The following FYN variants were observed in gnomAD, a reference collection of about 807,000 sequenced individuals.
FYN encodes the protein FYN proto-oncogene, Src family tyrosine kinase.
FYN carries 10 observed loss-of-function variants against 70.2 expected under a neutral mutation model. That is an observed-to-expected ratio of 0.14 (90% confidence interval 0.09 to 0.24). The LOEUF (loss-of-function observed/expected upper bound fraction) is 0.24, where lower values mean the gene tolerates loss of function less well. Among genes scored for constraint, FYN ranks in the 10% least tolerant of loss-of-function variants. FYN has a pLI of 1.00. For missense variants in FYN, 319 were observed against 673.1 expected (o/e 0.47, Z 5.82); for synonymous variants, 236 against 248.6 (o/e 0.95, Z 0.48).
At chr6:111,735,026 T>C (rs951638019) in intron 3 of FYN, among the ~76,000 whole-genome samples, 1 of 152,044 alleles carries the variant, frequency 6.6e-6, no homozygotes, top group Non-Finnish European at 1.5e-5. Flanking sequence ...AGGTCAGCAA[T>C]TGAGAAAGTG....
chr6:111,695,854 A>T (rs746874495), intron 10 of FYN, among the ~76,000 whole-genome samples: 1 of 152,206 alleles, frequency 6.6e-6, no homozygotes. Context: ...AATAAAAAAG[A>T]TGTTGAAATG....
intron 2 of FYN, among the ~76,000 whole-genome samples, chr6:111,820,263 T>C (rs1199908482): frequency 1.3e-5 from 2 of 152,204 alleles, no homozygotes; most frequent in Non-Finnish European, 2.9e-5. Flanking sequence ...TGCATTTATA[T>C]TCCCTTTAAA....
chr6:111,686,756 G>C (rs539807379), intron 12 of FYN, among the ~76,000 whole-genome samples: 3 of 152,282 alleles, frequency 2.0e-5, no homozygotes, highest in South Asian at 4.1e-4. Flanking sequence ...TTCATGTGCT[G>C]ACGGGGGCAG....
At chr6:111,802,776 G>GAA (rs773356986) in intron 2 of FYN, among the ~76,000 whole-genome samples, 321 of 125,896 alleles carry the variant, frequency 2.5e-3, no homozygotes, top group African/African-American at 0.011. Flanking sequence ...CTTTCTGGCT[G>GAA]AAAAAAAAAA....
intron 2 of FYN, among the ~76,000 whole-genome samples, chr6:111,840,400 T>C (rs1773321526): frequency 6.6e-6 from 1 of 152,170 alleles, no homozygotes; most frequent in Non-Finnish European, 1.5e-5. Flanking sequence ...ACTGGAGTGA[T>C]GTGGCCACAA....
At chr6:111,768,187 G>A (rs1803307926) in intron 3 of FYN, among the ~76,000 whole-genome samples, 1 of 152,186 alleles carries the variant, frequency 6.6e-6, no homozygotes, top group Admixed American at 6.5e-5. Flanking sequence ...TTTTCACACT[G>A]TGGCATAATT....
chr6:111,812,434 G>A (rs1005118393), intron 2 of FYN, among the ~76,000 whole-genome samples: 6 of 152,112 alleles, frequency 3.9e-5, no homozygotes, highest in Non-Finnish European at 7.3e-5. Flanking sequence ...AATAACCCAT[G>A]TTCTTGTCTG....
At chr6:111,754,829 T>C (rs1395975640) in intron 3 of FYN, among the ~76,000 whole-genome samples, 5 of 152,082 alleles carry the variant, frequency 3.3e-5, no homozygotes, top group Admixed American at 3.3e-4. Context: ...GTGTATAATC[T>C]GACAGTCTCT....
intron 3 of FYN, among the ~76,000 whole-genome samples, chr6:111,751,243 T>G (rs1209668413): frequency 2.0e-5 from 3 of 152,206 alleles, no homozygotes; most frequent in African/African-American, 7.2e-5. Flanking sequence ...AGCATCTTTG[T>G]GTAGCAACAG....
Position 111,720,021 on chromosome 6 carries a change from C to T in FYN, c.31G>A (p.Ala11Thr), listed in dbSNP as rs753638188. The change falls in exon 4 of 14, where the codon GCA (alanine) becomes ACA (threonine). Residue 11 changes from alanine (A) to threonine (T), a missense_variant. Ala to Thr is a moderately conservative substitution (Grantham distance 58). Coordinates refer to ENST00000354650, the MANE Select transcript of FYN (RefSeq NM_002037.5). Reference sequence around the variant, plus strand: ...TCCCTCTCCTCCGTCAGTTTTGTTGCTTCTTTATCCTTACATTGCACACAG... The same window carrying T: ...TCCCTCTCCTCCGTCAGTTTTGTTGTTTCTTTATCCTTACATTGCACACAG... MGCVQCKDKE[A>T]TKLTEERDGS... 6.2e-7 allele frequency: 1 copy of T among 1,611,466 alleles called. No individual in the cohort carries two copies. Among genetic ancestry groups the T allele is most frequent in the Non-Finnish European group, 8.5e-7 (1 of 1,177,898 alleles).
At chr6:111,832,610 TTTAA>T (rs1336721839) in intron 2 of FYN, among the ~76,000 whole-genome samples, 2 of 140,982 alleles carry the variant, frequency 1.4e-5, no homozygotes, top group African/African-American at 5.9e-5. Context: ...TGATCATCAT[TTTAA>T]TTAATATATA....
At chr6:111,845,158 G>A (rs895802751) in intron 2 of FYN, among the ~76,000 whole-genome samples, 1 of 152,222 alleles carries the variant, frequency 6.6e-6, no homozygotes, top group African/African-American at 2.4e-5. Context: ...GACAGGGGAG[G>A]GCAAGTCCTG....
intron 13 of FYN, among the ~76,000 whole-genome samples, chr6:111,663,193 C>T (rs1433897117): frequency 6.6e-6 from 1 of 152,208 alleles, no homozygotes; most frequent in East Asian, 1.9e-4. Context: ...TGGAATCCTC[C>T]CCAGTATCTG....
chr6:111,829,873 G>T (rs1427921689), intron 2 of FYN, among the ~76,000 whole-genome samples: 1 of 152,172 alleles, frequency 6.6e-6, no homozygotes, highest in Non-Finnish European at 1.5e-5. Context: ...ATGTGGAGAA[G>T]AACAGATCAC....
At chr6:111,819,558 A>C (rs1772592427) in intron 2 of FYN, among the ~76,000 whole-genome samples, 1 of 152,134 alleles carries the variant, frequency 6.6e-6, no homozygotes, top group African/African-American at 2.4e-5. Flanking sequence ...CCCCGAGACC[A>C]TGACCCATAT....
At chr6:111,688,627 C>T (rs187630028) in intron 12 of FYN, among the ~76,000 whole-genome samples, 14 of 151,688 alleles carry the variant, frequency 9.2e-5, no homozygotes, top group Admixed American at 3.3e-4. Context: ...GCCCACGCAG[C>T]GTGTGTGTGC....
At position 111,745,885 on chromosome 6, in the gene FYN, A is replaced by T. The variant is rs1802187515; in HGVS notation, c.-11-25823T>A. Among the ~76,000 whole-genome samples, 3 of 152,212 alleles carry T rather than the reference A, an allele frequency of 2.0e-5. No individual in the cohort carries two copies. The South Asian group carries it at 6.2e-4, about 32-fold the overall frequency. The stretch of plus-strand genomic sequence containing the variant: ...TACCTTCCAAAAAAATGCCTTCAGT[A>T]ATGTTTCCCCTGTGCAACTTATACA... On this transcript the variant is annotated intron_variant, in intron 3 of 13. Transcript: ENST00000354650.
chr6:111,720,512 G>A (rs1407065349), intron 3 of FYN, among the ~76,000 whole-genome samples: 1 of 152,190 alleles, frequency 6.6e-6, no homozygotes, highest in Non-Finnish European at 1.5e-5. Context: ...GCACAGGAGT[G>A]TTGGATAAGC....
chr6:111,851,102 T>A (rs1048265490), intron 1 of FYN, among the ~76,000 whole-genome samples: 5 of 152,120 alleles, frequency 3.3e-5, no homozygotes, highest in African/African-American at 1.2e-4. Context: ...GGGCACGTGA[T>A]GAACATGGTA....
Sources: gnomAD v4.1 joint callset for allele counts (sites outside exome capture counted in the v4.1 genomes callset) on GRCh38, gnomAD v4.1.1 for gene constraint, MANE v1.5 for transcripts, NCBI Gene and HGNC (gene_info 2026-07-23, HGNC 2026-07-21) for gene names.